The following CDH26 variants were observed in gnomAD, a reference collection of about 807,000 sequenced individuals.
CDH26 encodes cadherin 26, also known as cadherin-like protein 26.
A neutral mutation model predicts 90.3 loss-of-function variants in CDH26; 83 were observed. That is an observed-to-expected ratio of 0.92 (90% CI 0.77 to 1.10). The LOEUF (loss-of-function observed/expected upper bound fraction) is 1.10, where lower values mean the gene tolerates loss of function less well. Among genes scored for constraint, CDH26 ranks in the 50% least tolerant of loss-of-function variants. The pLI is 0.00. For missense variants in CDH26, 1,013 were observed against 1,037.6 expected, an observed-to-expected ratio of 0.98 and a Z score of 0.33; for synonymous variants, 397 against 396.3, an observed-to-expected ratio of 1.00 and a Z score of -0.02.
In CDH26 at chr20:59,966,078, T is replaced by G. The variant is rs1028060493; in HGVS notation, c.70-2889T>G. ...AAAATTCTGATTTTTGCTTGAAAGA[T>G]TACATTTATCAGTGGGAACAGATAC... On this transcript the variant is annotated intron_variant, in intron 1 of 17. Transcript: ENST00000348616. Among the ~76,000 whole-genome samples, 5 of 152,216 alleles carry G rather than the reference T, an allele frequency of 3.3e-5. No individual in the cohort carries two copies. In the East Asian group the frequency reaches 9.6e-4, roughly 29 times the overall value.
chr20:60,021,861 C>CACACACACACACACACACACACAT (rs2061955415), intron 7 of CDH26, among the ~76,000 whole-genome samples: 15 of 68,904 alleles, frequency 2.2e-4, no homozygotes, highest in Admixed American at 6.5e-4. Flanking sequence ...CACACACACA[C>CACACACACACACACACACACACAT]ACACACACAC....
chr20:59,958,588 G>T lies in CDH26; in HGVS notation c.-139G>T, dbSNP rs541136368. ...AAGGGAGGAGCAAGATGGGATGAAAGCATCTGGGCCAAAGTGACCTGAAAA... is the reference window on the plus strand; with the variant it reads ...AAGGGAGGAGCAAGATGGGATGAAATCATCTGGGCCAAAGTGACCTGAAAA... On this transcript the variant is annotated 5_prime_UTR_variant, in exon 1 of 18. Transcript: ENST00000348616. 2.0e-5 allele frequency: 15 copies of T among 739,286 alleles called. No individual in the cohort carries two copies. The highest frequency in any genetic ancestry group is 3.3e-5 in the Non-Finnish European group (14 of 424,328). 45.8% of individuals were successfully genotyped at this position (739,286 alleles called of 1,614,324 possible).
intron 4 of CDH26, among the ~76,000 whole-genome samples, chr20:59,982,675 A>T (rs574003031): frequency 1.3e-5 from 2 of 152,278 alleles, no homozygotes; most frequent in South Asian, 4.1e-4. Context: ...ACCTAATAAT[A>T]ACTGATCATT....
chr20:60,015,932 A>C (rs982817824), downstream of CDH26, among the ~76,000 whole-genome samples: 1 of 152,200 alleles, frequency 6.6e-6, no homozygotes, highest in African/African-American at 2.4e-5. Context: ...TCAGTTGGCT[A>C]AAGATATGTG....
Position 59,995,824 on chromosome 20 carries a change from C to G in CDH26, c.1667-9C>G, listed in dbSNP as rs1330835791. The G allele has an allele frequency of 6.2e-7, 1 of 1,612,998 alleles. No homozygotes were observed. The highest frequency in any genetic ancestry group is 1.7e-5 in the Admixed American group (1 of 60,026). Reference sequence around the variant, plus strand: ...GTCAATGCATGCCATGTTCTTTTTCCCTTTGCAGGTCAATCAGTTGAACTT... The same window carrying G: ...GTCAATGCATGCCATGTTCTTTTTCGCTTTGCAGGTCAATCAGTTGAACTT... On this transcript the variant is annotated splice_polypyrimidine_tract_variant and intron_variant, in intron 11 of 17. Transcript: ENST00000348616.
chr20:60,027,959 A>G (rs1317161941), intron 7 of CDH26, among the ~76,000 whole-genome samples: 2 of 152,248 alleles, frequency 1.3e-5, no homozygotes, highest in Non-Finnish European at 2.9e-5. Context: ...GTTTTCTCTC[A>G]GGGTAACATC....
At chr20:59,989,235 G>C (rs2061496601) in intron 9 of CDH26, 72 bp downstream of exon 9, 9 of 1,586,322 alleles carry the variant, frequency 5.7e-6, no homozygotes, top group Non-Finnish European at 4.3e-6. Flanking sequence ...GCTCCTGTTA[G>C]AAAACCAGCT....
intron 14 of CDH26, among the ~76,000 whole-genome samples, chr20:60,000,906 T>C (rs2146005269): frequency 6.6e-6 from 1 of 152,362 alleles, no homozygotes; most frequent in South Asian, 2.1e-4. Context: ...CAAGGTCCAT[T>C]GCCTGCTTTA....
chr20:59,972,086 ACCGC>A lies in CDH26; in HGVS notation c.359_362del (p.Arg120LeufsTer6), dbSNP rs755788547. ...CATGAGAACGGAAGGATATATGTTC[ACCGC>A]CCTGTCGATCGAGAAATGACACCAT... is the stretch of plus-strand genomic sequence containing the variant. On this transcript the variant is annotated frameshift_variant, in exon 4 of 18. Coordinates refer to ENST00000348616, the MANE Select transcript of CDH26 (RefSeq NM_177980.4). LOFTEE classifies it high-confidence loss of function. The A allele has an allele frequency of 6.2e-7, 1 of 1,613,968 alleles. No individual in the cohort carries two copies. The highest frequency in any genetic ancestry group is 8.5e-7 in the Non-Finnish European group (1 of 1,179,944).
intron 1 of CDH26, among the ~76,000 whole-genome samples, chr20:59,965,544 T>C (rs1407032364): frequency 1.3e-5 from 2 of 152,240 alleles, no homozygotes; most frequent in Admixed American, 6.5e-5. Flanking sequence ...TATATATTTT[T>C]TGCAAATATT....
intron 16 of CDH26, among the ~76,000 whole-genome samples, chr20:60,006,050 C>T (rs1018410120): frequency 5.3e-5 from 8 of 152,202 alleles, no homozygotes; most frequent in Admixed American, 2.6e-4. Context: ...GTGAGATCCC[C>T]TCTTAAACCT....
chr20:59,994,060 C>T lies in CDH26; in HGVS notation c.1427-190C>T, dbSNP rs546908540. 1.0e-5 allele frequency: 7 copies of T among 666,692 alleles called. No homozygotes were observed. The South Asian group carries it at 1.5e-4, about 14-fold the overall frequency. 41.3% of individuals were successfully genotyped at this position (666,692 alleles called of 1,614,324 possible). A position where few individuals can be genotyped will look rare whatever the true frequency, so the allele number is the denominator to read the frequency against. Reference sequence around the variant, plus strand: ...AGGTGGTAAGTGCTTTATTAGCTTACCCAAATATTCTGAATGCTCATAAAA... The same window carrying T: ...AGGTGGTAAGTGCTTTATTAGCTTATCCAAATATTCTGAATGCTCATAAAA... On this transcript the variant is annotated intron_variant, in intron 10 of 17. Coordinates refer to ENST00000348616, the MANE Select transcript of CDH26 (RefSeq NM_177980.4).
chr20:59,991,983 C>T (rs1352004774), intron 9 of CDH26, among the ~76,000 whole-genome samples: 1 of 152,180 alleles, frequency 6.6e-6, no homozygotes, highest in Non-Finnish European at 1.5e-5. Context: ...GGGAACACAC[C>T]AGGGGTAAAG....
intron 4 of CDH26, among the ~76,000 whole-genome samples, chr20:59,974,787 T>C (rs2061308174): frequency 6.6e-6 from 1 of 152,204 alleles, no homozygotes; most frequent in Admixed American, 6.5e-5. Flanking sequence ...TGCCCCAACC[T>C]TGCCTGTCAC....
intron 4 of CDH26, among the ~76,000 whole-genome samples, chr20:59,981,536 G>A (rs1307757460): frequency 2.6e-5 from 4 of 152,080 alleles, no homozygotes; most frequent in African/African-American, 7.2e-5. Context: ...GATTTTTATA[G>A]ATTAACTTTA....
At chr20:59,963,045 G>A (rs764812314) in intron 1 of CDH26, among the ~76,000 whole-genome samples, 15 of 152,160 alleles carry the variant, frequency 9.9e-5, no homozygotes, top group Non-Finnish European at 2.1e-4. Context: ...TTGCCATCCT[G>A]AGCACTTTGT....
In CDH26 at chr20:60,013,575, C is replaced by A. The variant is rs1056160814; in HGVS notation, c.*845C>A. ...TCTAGTCTGAGTAATAGATAAGAGA[C>A]TGACTAAGCAAAGTTTAAAATGCTA... On this transcript the variant is annotated 3_prime_UTR_variant, in exon 18 of 18. Transcript: ENST00000348616. 2.6e-5 allele frequency: 4 copies of A among 152,170 alleles called. No homozygotes were observed. The highest frequency in any genetic ancestry group is 4.4e-5 in the Non-Finnish European group (3 of 68,024). The allele number at this position is 152,170 out of a possible 1,614,324, so 9.4% of individuals were successfully genotyped here.
chr20:60,012,252 G>A (rs2061854330), intron 17 of CDH26, among the ~76,000 whole-genome samples: 1 of 152,036 alleles, frequency 6.6e-6, no homozygotes, highest in African/African-American at 2.4e-5. Context: ...TCTGCAAGAG[G>A]GTGGGAGCAG....
chr20:59,973,809 G>A, intron 4 of CDH26, among the ~76,000 whole-genome samples: 1 of 152,152 alleles, frequency 6.6e-6, no homozygotes, highest in East Asian at 1.9e-4. Flanking sequence ...AGGCATTTAG[G>A]TTGATTTCAT....
Sources: allele counts gnomAD v4.1 joint callset (sites outside exome capture counted in the v4.1 genomes callset), GRCh38; gene constraint gnomAD v4.1.1; transcripts MANE v1.5; gene names NCBI Gene and HGNC (gene_info 2026-07-23, HGNC 2026-07-21).